Variants in AMZ2 observed in about 807,000 individuals in gnomAD.
AMZ2 encodes archaelysin family metallopeptidase 2, also known as archaemetzincin-2.
Under a neutral mutation model 36.7 loss-of-function variants are expected in AMZ2, and 26 were observed. That is an observed-to-expected ratio of 0.71 (90% CI 0.52 to 0.98). The LOEUF is 0.98. Ranked by LOEUF, AMZ2 falls within the 50% of genes least tolerant of loss-of-function variation. The probability of loss-of-function intolerance (pLI) is 0.00; values close to 1 mark genes in which losing one functional copy is unlikely to be tolerated. For synonymous variants in AMZ2, 144 were observed against 149.1 expected, an observed-to-expected ratio of 0.97 and a Z score of 0.25; for missense variants, 394 against 430.5, an observed-to-expected ratio of 0.92 and a Z score of 0.75.
chr17:68,219,184 C>A (rs565969033), intron 1 of AMZ2, among the ~76,000 whole-genome samples: 1 of 152,290 alleles, frequency 6.6e-6, no homozygotes, highest in South Asian at 2.1e-4. Context: ...CCAGGCTGGT[C>A]TTGAACGCCT....
At chr17:68,215,015 C>G (rs1356668912) in intron 1 of AMZ2, among the ~76,000 whole-genome samples, 1 of 152,186 alleles carries the variant, frequency 6.6e-6, no homozygotes, top group Non-Finnish European at 1.5e-5. Flanking sequence ...AACTTGTGAG[C>G]TCAAGCCATC....
At chr17:68,250,497 G>C in intron 2 of AMZ2, 27 bp downstream of exon 2, 6 of 1,606,788 alleles carry the variant, frequency 3.7e-6, no homozygotes, top group Non-Finnish European at 5.1e-6. Flanking sequence ...TGCTGGTTTT[G>C]GTTCAGTTTT....
chr17:68,248,305 G>A lies in AMZ2; in HGVS notation c.-401G>A. The A allele has an allele frequency of 2.0e-6, 2 of 985,980 alleles. No homozygotes were observed. Among genetic ancestry groups the A allele is most frequent in the Non-Finnish European group, 2.4e-6 (2 of 830,134 alleles). 61.1% of individuals were successfully genotyped at this position (985,980 alleles called of 1,614,324 possible). ...GGGAGGCCTTTCCCGAGGCTCCTGG[G>A]GAAGAAGAGGCGAAGCGAGAGTCCC... On this transcript the variant is annotated 5_prime_UTR_variant, in exon 1 of 7. Transcript: ENST00000359904.
upstream of AMZ2, among the ~76,000 whole-genome samples, chr17:68,244,536 C>G (rs1380931301): frequency 6.6e-6 from 1 of 152,228 alleles, no homozygotes; most frequent in East Asian, 1.9e-4. Flanking sequence ...ATCAACCCAC[C>G]TCAGCCTCCC....
At chr17:68,211,754 G>GTGTATATGTA in intron 1 of AMZ2, among the ~76,000 whole-genome samples, 1 of 126,334 alleles carries the variant, frequency 7.9e-6, no homozygotes, top group African/African-American at 3.2e-5. Context: ...ATGTATATAT[G>GTGTATATGTA]TATATGTATA....
At chr17:68,239,479 T>G (rs1232938591) in intron 1 of AMZ2, among the ~76,000 whole-genome samples, 1 of 152,216 alleles carries the variant, frequency 6.6e-6, no homozygotes, top group Non-Finnish European at 1.5e-5. Flanking sequence ...ATGGAGAACC[T>G]CTTAACCCTC....
At chr17:68,242,736 AT>A (rs2073927614) in intron 1 of AMZ2, among the ~76,000 whole-genome samples, 2 of 152,160 alleles carry the variant, frequency 1.3e-5, no homozygotes, top group African/African-American at 4.8e-5. Flanking sequence ...TAAAACAAAA[AT>A]AAGATTACAA....
chr17:68,230,856 T>G (rs2073643354), intron 1 of AMZ2, among the ~76,000 whole-genome samples: 1 of 152,090 alleles, frequency 6.6e-6, no homozygotes, highest in African/African-American at 2.4e-5. Flanking sequence ...GTTTTTAGTT[T>G]ATACACTTGC....
Position 68,222,266 on chromosome 17 carries a change from G to A in AMZ2, c.-67+16028G>A, listed in dbSNP as rs142734332. ...CATGCTCAGTCTGAGGTCCCTCTGG[G>A]GTATCTAACTGCAGCTGGATCTACA... On this transcript the variant is annotated intron_variant, in intron 1 of 7. Transcript: ENST00000674770. 3.7e-4 allele frequency among the ~76,000 whole-genome samples: 56 copies of A among 152,266 alleles called. 1 individual carries two copies. Among genetic ancestry groups the A allele is most frequent in the African/African-American group, 1.3e-3 (52 of 41,552 alleles).
At chr17:68,245,559 T>C (rs1385516955), upstream of AMZ2, among the ~76,000 whole-genome samples, 1 of 152,136 alleles carries the variant, frequency 6.6e-6, no homozygotes, top group African/African-American at 2.4e-5. Context: ...TGGTCAGTTA[T>C]TTAAGAAAAT....
chr17:68,232,495 C>CAA (rs139890887), intron 1 of AMZ2, among the ~76,000 whole-genome samples: 22,143 of 106,422 alleles, frequency 0.21, 2,299 homozygotes, highest in East Asian at 0.44. Flanking sequence ...GACCCTATCT[C>CAA]AAAAAAAAAA....
chr17:68,255,820 A>G lies in AMZ2; in HGVS notation c.871A>G (p.Ile291Val), dbSNP rs1555742586. The change falls in exon 6 of 7, where the codon ATC becomes GTC. Residue 291 changes from isoleucine to valine, a missense_variant. Coordinates refer to ENST00000359904, the MANE Select transcript of AMZ2 (RefSeq NM_016627.5). ...ADRRPLNLCP[I>V]CLHKLQCAVG... ...CCGGCGCCCTCTAAACCTTTGCCCT[A>G]TCTGTTTGCACAAGTTGCAGTGTGC... The G allele has an allele frequency of 4.3e-6, 7 of 1,614,110 alleles. No homozygotes were observed. The highest frequency in any genetic ancestry group is 1.1e-5 in the South Asian group (1 of 91,082).
chr17:68,222,228 G>A (rs113942499), intron 1 of AMZ2, among the ~76,000 whole-genome samples: 3,240 of 152,324 alleles, frequency 0.021, 122 homozygotes, highest in African/African-American at 0.072. Context: ...TGGGCCAGGT[G>A]GGCTCTGAGG....
At chr17:68,209,633 T>TATATGTATATATA (rs1555725395) in intron 1 of AMZ2, among the ~76,000 whole-genome samples, 1 of 78,858 alleles carries the variant, frequency 1.3e-5, no homozygotes, top group African/African-American at 4.9e-5. Flanking sequence ...TATATATATA[T>TATATGTATATATA]TTTTTTTTTT....
At chr17:68,226,856 C>CT (rs1303835598) in intron 1 of AMZ2, among the ~76,000 whole-genome samples, 2 of 150,944 alleles carry the variant, frequency 1.3e-5, no homozygotes, top group Non-Finnish European at 2.9e-5. Flanking sequence ...GATTCTGGCT[C>CT]TAACATCAGG....
At chr17:68,236,842 A>G (rs1231329982) in intron 1 of AMZ2, among the ~76,000 whole-genome samples, 1 of 152,120 alleles carries the variant, frequency 6.6e-6, no homozygotes, top group African/African-American at 2.4e-5. Flanking sequence ...GGCCTCCCAA[A>G]GTGTTGGGAT....
At position 68,217,484 on chromosome 17, in the gene AMZ2, A is replaced by G. The variant is rs561797250; in HGVS notation, c.-67+11246A>G. On this transcript the variant is annotated intron_variant, in intron 1 of 7. Transcript: ENST00000674770. ...GCTGTGATATCTTGAGTATTTTTCT[A>G]TGTAAAGTCAAGTAGGAAACTTTAA... Among the ~76,000 whole-genome samples the G allele has an allele frequency of 1.9e-4, 29 of 152,336 alleles. 1 individual carries two copies. In the South Asian group the frequency reaches 4.6e-3, roughly 24 times the overall value.
upstream of AMZ2, chr17:68,247,336 C>CAAAAAAAAA (rs71142158): frequency 3.8e-5 from 3 of 78,198 alleles, no homozygotes; most frequent in Non-Finnish European, 7.1e-5. Flanking sequence ...ACTCCGTCTC[C>CAAAAAAAAA]AAAAAAAAAA....
At chr17:68,220,543 AT>A (rs1402028332) in intron 1 of AMZ2, among the ~76,000 whole-genome samples, 2 of 151,994 alleles carry the variant, frequency 1.3e-5, no homozygotes, top group African/African-American at 2.4e-5. Flanking sequence ...ATTTAACTGA[AT>A]TTGTTAAATG....
Sources: gnomAD v4.1 joint callset for allele counts (sites outside exome capture counted in the v4.1 genomes callset) on GRCh38, gnomAD v4.1.1 for gene constraint, MANE v1.5 for transcripts, NCBI Gene and HGNC (gene_info 2026-07-23, HGNC 2026-07-21) for gene names.